Variants in CLSTN2 observed in about 807,000 individuals in gnomAD.
CLSTN2 encodes the protein calsyntenin-2.
In CLSTN2, 48 loss-of-function variants were observed where a neutral mutation model predicts 101.2. The ratio of observed to expected loss-of-function variants is 0.47; its 90% CI spans 0.38 to 0.60. The LOEUF is 0.60. CLSTN2 is among the 20% of genes least tolerant of loss of function. The pLI is 0.00. For missense variants in CLSTN2, 1,160 were observed against 1,238.2 expected, an observed-to-expected ratio of 0.94 and a Z score of 0.95; for synonymous variants, 481 against 463.6, an observed-to-expected ratio of 1.04 and a Z score of -0.48.
At chr3:140,273,802 T>G (rs896409143) in intron 2 of CLSTN2, among the ~76,000 whole-genome samples, 2 of 152,114 alleles carry the variant, frequency 1.3e-5, no homozygotes, top group South Asian at 4.1e-4. Context: ...TCCTAATAAT[T>G]TAGTCATAGG....
intron 2 of CLSTN2, among the ~76,000 whole-genome samples, chr3:140,305,054 A>ACACACACACT (rs1491321182): frequency 5.9e-5 from 7 of 118,234 alleles, no homozygotes; most frequent in African/African-American, 1.6e-4. Flanking sequence ...ACACACACAC[A>ACACACACACT]CTCTCTCTCT....
At chr3:140,282,169 C>A (rs572162852) in intron 2 of CLSTN2, among the ~76,000 whole-genome samples, 1 of 152,192 alleles carries the variant, frequency 6.6e-6, no homozygotes, top group African/African-American at 2.4e-5. Flanking sequence ...TCTGCTCAGT[C>A]CATGAGCCAG....
At chr3:140,221,400 A>G (rs1041170030) in intron 2 of CLSTN2, among the ~76,000 whole-genome samples, 41 of 152,146 alleles carry the variant, frequency 2.7e-4, no homozygotes, top group African/African-American at 8.2e-4. Flanking sequence ...CACACACCAT[A>G]TTACATTTTT....
intron 2 of CLSTN2, among the ~76,000 whole-genome samples, chr3:140,313,181 G>A (rs984252735): frequency 3.3e-5 from 5 of 152,116 alleles, no homozygotes; most frequent in Non-Finnish European, 5.9e-5. Context: ...ACCATCAGTG[G>A]AACAAATTGT....
intron 1 of CLSTN2, among the ~76,000 whole-genome samples, chr3:140,161,245 G>T (rs966779553): frequency 1.3e-5 from 2 of 152,128 alleles, no homozygotes; most frequent in Non-Finnish European, 2.9e-5. Context: ...CACAATAGTT[G>T]CCTCCTAAAC....
At chr3:140,451,684 A>G (rs1933256167) in intron 6 of CLSTN2, among the ~76,000 whole-genome samples, 1 of 152,174 alleles carries the variant, frequency 6.6e-6, no homozygotes, top group African/African-American at 2.4e-5. Flanking sequence ...CTATAAGGGA[A>G]ATGTAGGCTG....
intron 2 of CLSTN2, among the ~76,000 whole-genome samples, chr3:140,345,038 A>G (rs2087531025): frequency 6.6e-6 from 1 of 152,158 alleles, no homozygotes; most frequent in South Asian, 2.1e-4. Flanking sequence ...ATCTGCTTTC[A>G]GGGCATGTCG....
intron 8 of CLSTN2, among the ~76,000 whole-genome samples, chr3:140,467,454 G>T (rs1381085848): frequency 2.6e-5 from 4 of 152,182 alleles, no homozygotes; most frequent in African/African-American, 9.7e-5. Context: ...GGCGCTAATT[G>T]TTCAAAAGTG....
At chr3:140,204,589 A>C (rs912618946) in intron 2 of CLSTN2, among the ~76,000 whole-genome samples, 2 of 152,240 alleles carry the variant, frequency 1.3e-5, no homozygotes, top group Non-Finnish European at 2.9e-5. Context: ...TGATTGTAAA[A>C]GAAAGGCTTT....
chr3:140,242,866 G>C (rs1242370550), intron 2 of CLSTN2, among the ~76,000 whole-genome samples: 1 of 152,182 alleles, frequency 6.6e-6, no homozygotes, highest in Non-Finnish European at 1.5e-5. Context: ...CCTGGAGGAA[G>C]GGCCTGAGCT....
intron 1 of CLSTN2, among the ~76,000 whole-genome samples, chr3:139,998,335 C>CTTTTTTTTTTTTT (rs1290360293): frequency 4.4e-4 from 9 of 20,430 alleles, no homozygotes; most frequent in African/African-American, 9.3e-4. Context: ...CCCCCACATG[C>CTTTTTTTTTTTTT]CTTTTTTTTT....
intron 2 of CLSTN2, among the ~76,000 whole-genome samples, chr3:140,300,549 G>T (rs1240782677): frequency 6.6e-6 from 1 of 152,188 alleles, no homozygotes; most frequent in African/African-American, 2.4e-5. Context: ...ACAGAGCCCA[G>T]CACAGGGTTC....
intron 1 of CLSTN2, among the ~76,000 whole-genome samples, chr3:139,985,234 A>C (rs538675647): frequency 6.6e-6 from 1 of 152,136 alleles, no homozygotes; most frequent in Non-Finnish European, 1.5e-5. Context: ...ATTGTCCTCT[A>C]TCTGAAATCT....
intron 1 of CLSTN2, among the ~76,000 whole-genome samples, chr3:140,101,908 T>C (rs2008972362): frequency 6.6e-6 from 1 of 152,196 alleles, no homozygotes; most frequent in African/African-American, 2.4e-5. Context: ...GCAACTCAGT[T>C]GCAAGGGAGG....
chr3:140,088,172 A>G (rs939355015), intron 1 of CLSTN2, among the ~76,000 whole-genome samples: 2 of 152,224 alleles, frequency 1.3e-5, no homozygotes, highest in Non-Finnish European at 2.9e-5. Context: ...CTTGGTTAAA[A>G]TAAGATTTAG....
chr3:140,029,637 T>C (rs888534364), intron 1 of CLSTN2, among the ~76,000 whole-genome samples: 5 of 152,164 alleles, frequency 3.3e-5, no homozygotes, highest in African/African-American at 1.2e-4. Context: ...GGAATATCTG[T>C]ATATAAGAAA....
intron 1 of CLSTN2, among the ~76,000 whole-genome samples, chr3:139,949,713 A>G (rs777260889): frequency 1.3e-5 from 2 of 152,194 alleles, no homozygotes; most frequent in Non-Finnish European, 1.5e-5. Context: ...AGCATTGGAT[A>G]CCAAACACGT....
At chr3:140,201,794 G>A (rs570758045) in intron 2 of CLSTN2, among the ~76,000 whole-genome samples, 3 of 151,480 alleles carry the variant, frequency 2.0e-5, no homozygotes, top group Non-Finnish European at 2.9e-5. Flanking sequence ...TTATATGCAC[G>A]CACACACACA....
At position 140,568,266 on chromosome 3, in the gene CLSTN2, C is replaced by T. The variant is rs1044220427; in HGVS notation, c.*2013C>T. ...CTGAATAAGATAAGCTCCTTCCCTA[C>T]ATTATATTTGCAGACGGGAAATAAA... On this transcript the variant is annotated 3_prime_UTR_variant, in exon 17 of 17. Coordinates refer to ENST00000458420, the MANE Select transcript of CLSTN2 (RefSeq NM_022131.3). 2.6e-5 allele frequency: 4 copies of T among 152,202 alleles called. No individual in the cohort carries two copies. The highest frequency in any genetic ancestry group is 7.2e-5 in the African/African-American group (3 of 41,446). The allele number at this position is 152,202 out of a possible 1,614,324, so 9.4% of individuals were successfully genotyped here.
Sources: gnomAD v4.1 joint callset for allele counts (sites outside exome capture counted in the v4.1 genomes callset) on GRCh38, gnomAD v4.1.1 for gene constraint, MANE v1.5 for transcripts, NCBI Gene and HGNC (gene_info 2026-07-23, HGNC 2026-07-21) for gene names.